Variants in CNBD1 observed in about 807,000 individuals in gnomAD.
The protein encoded by CNBD1 is cyclic nucleotide binding domain containing 1.
A neutral mutation model predicts 54.4 loss-of-function variants in CNBD1; 71 were observed. That is an observed-to-expected ratio of 1.30 (90% CI 1.08 to 1.59). The LOEUF is 1.59. Ranked by LOEUF, CNBD1 falls within the 40% of genes most tolerant of loss-of-function variation. The pLI is 0.00. For synonymous variants in CNBD1, 182 were observed against 170.7 expected, an observed-to-expected ratio of 1.07 and a Z score of -0.51; for missense variants, 659 against 518.0, an observed-to-expected ratio of 1.27 and a Z score of -2.64.
intron 4 of CNBD1, among the ~76,000 whole-genome samples, chr8:87,072,754 T>A (rs1810785222): frequency 6.6e-6 from 1 of 152,044 alleles, no homozygotes. Flanking sequence ...TTTTTTCCAT[T>A]TGACCTTGGG....
rs772531054 is a variant in CNBD1, at chr8:86,905,127, CAATATCCTA to C, written c.208_216del (p.Tyr70_Lys72del). The C allele has an allele frequency of 6.2e-7, 1 of 1,612,348 alleles. No individual in the cohort carries two copies. Among genetic ancestry groups the C allele is most frequent in the South Asian group, 1.1e-5 (1 of 90,896 alleles). ...ATCAGCTCACGATACATTTATGAAG[CAATATCCTA>C]AAGTATTCCTGCACCAAAAACCCAG... On this transcript the variant is annotated inframe_deletion, in exon 3 of 11. Transcript: ENST00000518476.
chr8:87,215,695 G>C (rs1346389079), intron 5 of CNBD1, among the ~76,000 whole-genome samples: 1 of 151,914 alleles, frequency 6.6e-6, no homozygotes. Flanking sequence ...CAACGGAATT[G>C]TACATTTTAA....
At chr8:86,997,402 C>T (rs1808897755) in intron 4 of CNBD1, among the ~76,000 whole-genome samples, 2 of 152,140 alleles carry the variant, frequency 1.3e-5, no homozygotes, top group Admixed American at 1.3e-4. Context: ...CTATCATTGC[C>T]TTGGAAAGGT....
At chr8:87,332,315 T>C (rs1464772565) in intron 8 of CNBD1, among the ~76,000 whole-genome samples, 2 of 149,480 alleles carry the variant, frequency 1.3e-5, no homozygotes, top group African/African-American at 5.0e-5. Flanking sequence ...GCCATTGCAC[T>C]CCAGCCTGTG....
chr8:87,344,151 T>C (rs568268723), intron 8 of CNBD1, among the ~76,000 whole-genome samples: 1 of 152,184 alleles, frequency 6.6e-6, no homozygotes, highest in Non-Finnish European at 1.5e-5. Context: ...GGAAAAATAA[T>C]CAAGTTATTT....
In CNBD1 at chr8:87,404,516, G is replaced by T. The variant is rs187109657; in HGVS notation, c.214-24030G>T. 1.9e-3 allele frequency among the ~76,000 whole-genome samples: 293 copies of T among 151,668 alleles called. 1 individual carries two copies. The highest frequency in any genetic ancestry group is 6.6e-3 in the African/African-American group (273 of 41,078). ...GTGTCGAAATCATTTGCAAGGACTAGTTATTTTTCTTGCTGCAAATTCCTT... is the reference window on the plus strand; with the variant it reads ...GTGTCGAAATCATTTGCAAGGACTATTTATTTTTCTTGCTGCAAATTCCTT... On this transcript the variant is annotated intron_variant, in intron 2 of 7. Transcript: ENST00000521593.
At position 86,892,485 on chromosome 8, in the gene CNBD1, T is replaced by C. The variant is rs1808783820; in HGVS notation, c.158+4874T>C. ...TAAATATGATTGTTAATCATCGTTA[T>C]TTAAAACAAAAGAACTAACTGACAA... On this transcript the variant is annotated intron_variant, in intron 2 of 10. Transcript: ENST00000518476. Among the ~76,000 whole-genome samples, 3 of 152,182 alleles carry C rather than the reference T, an allele frequency of 2.0e-5. No individual in the cohort carries two copies. The South Asian group carries it at 6.2e-4, about 32-fold the overall frequency.
intron 10 of CNBD1, among the ~76,000 whole-genome samples, chr8:87,365,287 G>T (rs1343640116): frequency 6.6e-6 from 1 of 151,824 alleles, no homozygotes; most frequent in Non-Finnish European, 1.5e-5. Context: ...TCATATGCTT[G>T]TTGGCCGTGT....
intron 4 of CNBD1, among the ~76,000 whole-genome samples, chr8:87,048,267 G>T (rs1810242464): frequency 6.6e-6 from 1 of 152,272 alleles, no homozygotes; most frequent in Middle Eastern, 3.4e-3. Context: ...GGGCAAGGAG[G>T]TTATATATTT....
At chr8:87,347,771 G>T (rs546417452) in intron 8 of CNBD1, among the ~76,000 whole-genome samples, 50 of 152,178 alleles carry the variant, frequency 3.3e-4, no homozygotes, top group Non-Finnish European at 3.7e-4. Context: ...GTCTTACATT[G>T]CCTGCTGAGA....
intron 8 of CNBD1, among the ~76,000 whole-genome samples, chr8:87,327,650 C>G (rs942316152): frequency 6.6e-6 from 1 of 152,180 alleles, no homozygotes; most frequent in Non-Finnish European, 1.5e-5. Flanking sequence ...AGTGCCTCGC[C>G]CTGCTTCGGC....
intron 4 of CNBD1, among the ~76,000 whole-genome samples, chr8:87,045,561 T>A: frequency 6.6e-6 from 1 of 151,426 alleles, no homozygotes; most frequent in African/African-American, 2.4e-5. Flanking sequence ...CCGTCTCTAC[T>A]AAAAATACAA....
chr8:87,264,142 C>G (rs1347007211), intron 6 of CNBD1, among the ~76,000 whole-genome samples: 1 of 151,830 alleles, frequency 6.6e-6, no homozygotes, highest in Admixed American at 6.6e-5. Context: ...TGCTATCCCT[C>G]CCCTCTCCCC....
intron 2 of CNBD1, among the ~76,000 whole-genome samples, chr8:87,418,262 C>A (rs895092846): frequency 4.0e-5 from 6 of 151,884 alleles, no homozygotes; most frequent in Non-Finnish European, 8.8e-5. Context: ...TGATTTTCAA[C>A]AAGAACACCA....
intron 4 of CNBD1, among the ~76,000 whole-genome samples, chr8:87,198,004 G>C (rs1452920693): frequency 6.6e-6 from 1 of 152,126 alleles, no homozygotes; most frequent in Non-Finnish European, 1.5e-5. Flanking sequence ...GAAAACCTCT[G>C]TGAAACTGTT....
At chr8:86,926,362 T>A (rs1809361379) in intron 3 of CNBD1, among the ~76,000 whole-genome samples, 1 of 152,098 alleles carries the variant, frequency 6.6e-6, no homozygotes, top group African/African-American at 2.4e-5. Flanking sequence ...GGTCCAGGTG[T>A]CCTCAGTAGA....
chr8:86,992,413 C>G (rs2130530297), intron 4 of CNBD1, among the ~76,000 whole-genome samples: 1 of 152,174 alleles, frequency 6.6e-6, no homozygotes, highest in Middle Eastern at 3.4e-3. Flanking sequence ...TGGGTCTTAT[C>G]TTTTTATTCA....
chr8:86,952,089 A>C (rs1807640660), intron 4 of CNBD1, among the ~76,000 whole-genome samples: 1 of 152,070 alleles, frequency 6.6e-6, no homozygotes, highest in Admixed American at 6.5e-5. Flanking sequence ...TCTTCCATCT[A>C]CCTATGACCT....
At chr8:86,955,444 C>CGGG (rs1807739694) in intron 4 of CNBD1, among the ~76,000 whole-genome samples, 1 of 152,214 alleles carries the variant, frequency 6.6e-6, no homozygotes, top group Non-Finnish European at 1.5e-5. Context: ...TTTACAGTCC[C>CGGG]ACCAACAGTG....
Sources: gnomAD v4.1 joint callset for allele counts (sites outside exome capture counted in the v4.1 genomes callset) on GRCh38, gnomAD v4.1.1 for gene constraint, MANE v1.5 for transcripts, NCBI Gene and HGNC (gene_info 2026-07-23, HGNC 2026-07-21) for gene names.